Variants in METTL15 observed in about 807,000 individuals in gnomAD.
METTL15 encodes the protein methyltransferase 15, mitochondrial 12S rRNA N4-cytidine, also known as 12S rRNA N(4)-cytidine methyltransferase METTL15.
In METTL15, 34 loss-of-function variants were observed where a neutral mutation model predicts 38.3. The ratio of observed to expected loss-of-function variants is 0.89; its 90% CI spans 0.68 to 1.18. The LOEUF is 1.18. Ranked by LOEUF, METTL15 falls within the 50% of genes most tolerant of loss-of-function variation. The pLI, the probability that METTL15 is intolerant of heterozygous loss-of-function variation, is 0.00. For missense variants in METTL15, 438 were observed against 498.4 expected (o/e 0.88, Z 1.15); for synonymous variants, 162 against 170.9 (o/e 0.95, Z 0.41).
At chr11:28,369,541 A>C (rs918071612) in intron 5 of METTL15, among the ~76,000 whole-genome samples, 2 of 152,122 alleles carry the variant, frequency 1.3e-5, no homozygotes, top group Non-Finnish European at 2.9e-5. Context: ...GAATCTTGAA[A>C]ACAGAAAGAG....
intron 4 of METTL15, among the ~76,000 whole-genome samples, chr11:28,244,331 A>C (rs1382286632): frequency 6.6e-6 from 1 of 152,200 alleles, no homozygotes; most frequent in Non-Finnish European, 1.5e-5. Flanking sequence ...CTGACTTTTA[A>C]AAATTCTGCT....
At chr11:28,274,086 C>T (rs1034375226) in intron 4 of METTL15, among the ~76,000 whole-genome samples, 1 of 151,924 alleles carries the variant, frequency 6.6e-6, no homozygotes, top group Non-Finnish European at 1.5e-5. Context: ...CACAGAAAAA[C>T]CCTTTCAGAG....
intron 5 of METTL15, among the ~76,000 whole-genome samples, chr11:28,418,736 G>T (rs1338866515): frequency 6.6e-6 from 1 of 152,176 alleles, no homozygotes; most frequent in African/African-American, 2.4e-5. Context: ...TTCTGCAGTG[G>T]CTACATGGTT....
At chr11:28,162,076 G>A (rs377645542) in intron 3 of METTL15, among the ~76,000 whole-genome samples, 2 of 152,196 alleles carry the variant, frequency 1.3e-5, no homozygotes, top group South Asian at 2.1e-4. Flanking sequence ...CAAATCCTCT[G>A]TAAAATAAGT....
At chr11:28,174,225 A>C (rs1032283832) in intron 3 of METTL15, among the ~76,000 whole-genome samples, 17 of 152,174 alleles carry the variant, frequency 1.1e-4, no homozygotes, top group Admixed American at 9.8e-4. Flanking sequence ...TATTTATATC[A>C]GTATGGACTC....
chr11:28,112,962 T>C (rs1458857419), intron 2 of METTL15, among the ~76,000 whole-genome samples: 3 of 152,178 alleles, frequency 2.0e-5, no homozygotes, highest in African/African-American at 7.2e-5. Flanking sequence ...TTTTAATTCA[T>C]TGAATCTACT....
chr11:28,267,706 A>G (rs1302271216), intron 4 of METTL15, among the ~76,000 whole-genome samples: 1 of 152,152 alleles, frequency 6.6e-6, no homozygotes, highest in Non-Finnish European at 1.5e-5. Flanking sequence ...CAATGAAACA[A>G]TATGACTCAC....
intron 7 of METTL15, chr11:28,526,562 A>G (rs1590404769): frequency 6.6e-6 from 1 of 152,176 alleles, no homozygotes; most frequent in Non-Finnish European, 1.5e-5. Context: ...TCCCTGTTAC[A>G]TGAGTCACTT....
chr11:28,381,996 T>C (rs1430725140), intron 5 of METTL15, among the ~76,000 whole-genome samples: 3 of 152,156 alleles, frequency 2.0e-5, no homozygotes, highest in African/African-American at 7.2e-5. Flanking sequence ...GTCAGACTTG[T>C]TTTGATTTTT....
rs548653921 is a variant in METTL15 at position 28,435,087 on chromosome 11, T to A, written c.*424+10723T>A. Among the ~76,000 whole-genome samples, 4 of 152,288 alleles carry A rather than the reference T, an allele frequency of 2.6e-5. No homozygotes were observed. The South Asian group carries it at 8.3e-4, about 32-fold the overall frequency. Reference sequence around the variant, plus strand: ...AACCTGTGTCCCCTAATTTGCTCAATCTTCCATAGTCTGCCTTCAGGGCAC... The same window carrying A: ...AACCTGTGTCCCCTAATTTGCTCAAACTTCCATAGTCTGCCTTCAGGGCAC... On this transcript the variant is annotated intron_variant and NMD_transcript_variant, in intron 6 of 7. Transcript: ENST00000532947.
intron 4 of METTL15, among the ~76,000 whole-genome samples, chr11:28,248,827 A>G (rs1181773030): frequency 6.6e-6 from 1 of 152,034 alleles, no homozygotes; most frequent in Non-Finnish European, 1.5e-5. Flanking sequence ...AAAAAAAAGC[A>G]TCACTAAGGT....
chr11:28,392,915 C>T (rs1035499377), intron 5 of METTL15, among the ~76,000 whole-genome samples: 1 of 151,968 alleles, frequency 6.6e-6, no homozygotes, highest in Non-Finnish European at 1.5e-5. Context: ...TTGAACATCA[C>T]TGATCATTAG....
At chr11:28,296,390 AC>A (rs1338493608) in intron 5 of METTL15, among the ~76,000 whole-genome samples, 1 of 152,134 alleles carries the variant, frequency 6.6e-6, no homozygotes, top group African/African-American at 2.4e-5. Flanking sequence ...ACTGCAAAAA[AC>A]ATTCAAGCAG....
At chr11:28,111,128 C>G (rs1404740967) in intron 2 of METTL15, among the ~76,000 whole-genome samples, 1 of 152,064 alleles carries the variant, frequency 6.6e-6, no homozygotes, top group African/African-American at 2.4e-5. Context: ...TATTTGTCAC[C>G]CTTTCTCCAG....
intron 3 of METTL15, among the ~76,000 whole-genome samples, chr11:28,124,991 A>G (rs1852413205): frequency 6.6e-6 from 1 of 152,110 alleles, no homozygotes; most frequent in Non-Finnish European, 1.5e-5. Context: ...GAAATAGTGA[A>G]CTACTTTTAT....
intron 3 of METTL15, among the ~76,000 whole-genome samples, chr11:28,343,174 T>C (rs1486466368): frequency 6.7e-6 from 1 of 149,444 alleles, no homozygotes; most frequent in African/African-American, 2.5e-5. Context: ...TATACATACA[T>C]ATATAATATT....
intron 6 of METTL15, among the ~76,000 whole-genome samples, chr11:28,508,078 C>T (rs149723110): frequency 6.6e-6 from 1 of 152,146 alleles, no homozygotes; most frequent in Non-Finnish European, 1.5e-5. Flanking sequence ...CCGTCCTGTA[C>T]TACAGTTGTA....
At chr11:28,362,174 A>G (rs1486933241) in intron 5 of METTL15, 1 of 152,212 alleles carries the variant, frequency 6.6e-6, no homozygotes, top group Non-Finnish European at 1.5e-5. Context: ...AAATAGCATT[A>G]GACAAATAAT....
At chr11:28,441,205 C>T (rs921499363) in intron 6 of METTL15, among the ~76,000 whole-genome samples, 4 of 151,768 alleles carry the variant, frequency 2.6e-5, no homozygotes, top group African/African-American at 9.7e-5. Flanking sequence ...CTGCGTCAGC[C>T]TCCGGAGTAG....
Sources: allele counts gnomAD v4.1 joint callset (sites outside exome capture counted in the v4.1 genomes callset), GRCh38; gene constraint gnomAD v4.1.1; transcripts MANE v1.5; gene names NCBI Gene and HGNC (gene_info 2026-07-23, HGNC 2026-07-21).